CNOT4: variants seen among roughly 807,000 people sequenced by gnomAD.
The protein encoded by CNOT4 is CCR4-NOT transcription complex subunit 4.
In CNOT4, 8 loss-of-function variants were observed where a neutral mutation model predicts 73.8. The observed-to-expected ratio is 0.11, with a 90% CI of 0.06 to 0.20. The LOEUF is 0.20. Ranked by LOEUF, CNOT4 falls within the 10% of genes least tolerant of loss-of-function variation. CNOT4 has a pLI of 1.00. For synonymous variants in CNOT4, 293 were observed against 321.1 expected (o/e 0.91, Z 0.94); for missense variants, 564 against 883.4 (o/e 0.64, Z 4.58).
At chr7:135,388,930 A>G (rs1041369521) in intron 10 of CNOT4, 1 of 1,599,664 alleles carries the variant, frequency 6.3e-7, no homozygotes, top group Non-Finnish European at 8.5e-7. Context: ...GTTATGGGTG[A>G]CTAGATTTGT....
intron 2 of CNOT4, among the ~76,000 whole-genome samples, chr7:135,432,381 TG>T (rs1798901289): frequency 6.6e-6 from 1 of 152,236 alleles, no homozygotes. Flanking sequence ...TACAACTTTT[TG>T]TTTCCCCTAG....
chr7:135,508,062 T>A (rs1225757430), intron 1 of CNOT4, among the ~76,000 whole-genome samples: 2 of 152,210 alleles, frequency 1.3e-5, no homozygotes, highest in Non-Finnish European at 2.9e-5. Context: ...AATGTTAAGA[T>A]TCCAAATTTT....
At chr7:135,451,923 T>C (rs530800134) in intron 1 of CNOT4, among the ~76,000 whole-genome samples, 1 of 152,236 alleles carries the variant, frequency 6.6e-6, no homozygotes, top group South Asian at 2.1e-4. Flanking sequence ...CTCCCAAAAC[T>C]GTATATGGAG....
At chr7:135,432,296 G>GA (rs953242300) in intron 2 of CNOT4, among the ~76,000 whole-genome samples, 43 of 150,908 alleles carry the variant, frequency 2.8e-4, no homozygotes, top group African/African-American at 8.0e-4. Flanking sequence ...ATCAGCATAG[G>GA]AAAAAAAAAT....
At chr7:135,470,592 T>C (rs888095552) in intron 1 of CNOT4, among the ~76,000 whole-genome samples, 1 of 149,494 alleles carries the variant, frequency 6.7e-6, no homozygotes, top group Non-Finnish European at 1.5e-5. Flanking sequence ...AAAACCTCAA[T>C]GTCCATCAAC....
chr7:135,447,350 C>G (rs908801365), intron 1 of CNOT4, among the ~76,000 whole-genome samples: 1 of 152,132 alleles, frequency 6.6e-6, no homozygotes, highest in African/African-American at 2.4e-5. Flanking sequence ...CAATGTATAT[C>G]TACCATGAAT....
At chr7:135,479,287 C>T (rs985994722) in intron 1 of CNOT4, among the ~76,000 whole-genome samples, 2 of 137,814 alleles carry the variant, frequency 1.5e-5, no homozygotes, top group Non-Finnish European at 3.0e-5. Flanking sequence ...CGGCTCACTG[C>T]AACCTCCACT....
At chr7:135,505,459 G>A (rs1275914018) in intron 1 of CNOT4, among the ~76,000 whole-genome samples, 2 of 152,178 alleles carry the variant, frequency 1.3e-5, no homozygotes, top group Admixed American at 6.5e-5. Flanking sequence ...GGCTGAGGCA[G>A]GAGGATTGCT....
chr7:135,438,358 A>C lies in CNOT4; in HGVS notation c.-27T>G, dbSNP rs746454575. ...TTCACGTTTATTAAACAGCAGCAAA[A>C]GTTTATAATAATTTAAGGGAGAAGG... On this transcript the variant is annotated 5_prime_UTR_variant, in exon 2 of 12. Coordinates refer to ENST00000541284, the MANE Select transcript of CNOT4 (RefSeq NM_001190850.2). The C allele has an allele frequency of 6.4e-7, 1 of 1,560,644 alleles. No individual in the cohort carries two copies. Among genetic ancestry groups the C allele is most frequent in the East Asian group, 2.3e-5 (1 of 43,694 alleles).
chr7:135,476,024 T>G (rs184244715), intron 1 of CNOT4, among the ~76,000 whole-genome samples: 1 of 152,338 alleles, frequency 6.6e-6, no homozygotes, highest in East Asian at 1.9e-4. Context: ...AATACTCTGA[T>G]GAAAATTCAT....
At chr7:135,374,300 A>G (rs983635660) in intron 10 of CNOT4, among the ~76,000 whole-genome samples, 11 of 152,296 alleles carry the variant, frequency 7.2e-5, no homozygotes, top group Admixed American at 1.3e-4. Flanking sequence ...AATTCTATCA[A>G]AGTAATGTAT....
chr7:135,437,666 G>A (rs1799238575), intron 2 of CNOT4, among the ~76,000 whole-genome samples: 1 of 152,096 alleles, frequency 6.6e-6, no homozygotes, highest in South Asian at 2.1e-4. Context: ...TGCTGTAAGG[G>A]CTCAAGAAAT....
chr7:135,460,828 C>T (rs11972657), intron 1 of CNOT4, among the ~76,000 whole-genome samples: 9 of 152,268 alleles, frequency 5.9e-5, no homozygotes, highest in East Asian at 3.9e-4. Context: ...AGGCAACTTA[C>T]GCCTGTAATT....
chr7:135,469,193 G>A (rs1369086050), intron 1 of CNOT4, among the ~76,000 whole-genome samples: 1 of 151,972 alleles, frequency 6.6e-6, no homozygotes, highest in Non-Finnish European at 1.5e-5. Flanking sequence ...ATTATTTATT[G>A]AGTATCTAGT....
chr7:135,374,235 C>T lies in CNOT4; in HGVS notation c.1628-10169G>A, dbSNP rs371990911. On this transcript the variant is annotated intron_variant, in intron 10 of 11. Coordinates refer to ENST00000541284, the MANE Select transcript of CNOT4 (RefSeq NM_001190850.2). Reference sequence around the variant, plus strand: ...CATCCCACTGACTCCTCAGTCCTCCCCCAAAATGGAATAAAGTTATCAATG... The same window carrying T: ...CATCCCACTGACTCCTCAGTCCTCCTCCAAAATGGAATAAAGTTATCAATG... 7.9e-5 allele frequency among the ~76,000 whole-genome samples: 12 copies of T among 152,200 alleles called. No homozygotes were observed. In the East Asian group the frequency reaches 9.7e-4, roughly 12 times the overall value.
chr7:135,415,343 C>G (rs1797806658), intron 3 of CNOT4, 81 bp from the exon 4 acceptor site: 1 of 670,482 alleles, frequency 1.5e-6, no homozygotes, highest in South Asian at 2.1e-5. Context: ...TTCATCATCC[C>G]TCTTCAGCAA....
At chr7:135,389,020 G>T in intron 10 of CNOT4, 2 of 846,182 alleles carry the variant, frequency 2.4e-6, no homozygotes, top group South Asian at 2.2e-5. Context: ...TTGGAATCCA[G>T]GTGTGAAACA....
At chr7:135,467,760 A>G (rs1451655014) in intron 1 of CNOT4, among the ~76,000 whole-genome samples, 1 of 152,068 alleles carries the variant, frequency 6.6e-6, no homozygotes, top group East Asian at 1.9e-4. Context: ...GAAAATATGA[A>G]TATCTGAGGA....
At position 135,481,698 on chromosome 7, in the gene CNOT4, T is replaced by A. The variant is rs530524266; in HGVS notation, c.-93+28191A>T. On this transcript the variant is annotated intron_variant, in intron 1 of 11. Coordinates refer to ENST00000541284, the MANE Select transcript of CNOT4 (RefSeq NM_001190850.2). ...CCAAGACAAAGAACCAACTTAAGTG[T>A]CCATCAGCAGATGAAATAAAGAAAA... Among the ~76,000 whole-genome samples, 4 of 152,288 alleles carry A rather than the reference T, an allele frequency of 2.6e-5. No individual in the cohort carries two copies. In the South Asian group the frequency reaches 8.3e-4, roughly 32 times the overall value.
Sources: gnomAD v4.1 joint callset for allele counts (sites outside exome capture counted in the v4.1 genomes callset) on GRCh38, gnomAD v4.1.1 for gene constraint, MANE v1.5 for transcripts, NCBI Gene and HGNC (gene_info 2026-07-23, HGNC 2026-07-21) for gene names.